The following LRPPRC variants were observed in gnomAD, a reference collection of about 807,000 sequenced individuals.
LRPPRC encodes the protein leucine rich pentatricopeptide repeat containing.
LRPPRC carries 120 observed loss-of-function variants against 180.3 expected under a neutral mutation model. The ratio of observed to expected loss-of-function variants is 0.67; its 90% CI spans 0.57 to 0.77. The LOEUF (loss-of-function observed/expected upper bound fraction) is 0.77. LRPPRC is among the 30% of genes least tolerant of loss of function. The probability of loss-of-function intolerance (pLI) is 0.00; values close to 1 mark genes in which losing one functional copy is unlikely to be tolerated. For missense variants in LRPPRC, 2,012 were observed against 1,657.2 expected (o/e 1.21, Z -3.72); for synonymous variants, 723 against 600.0 (o/e 1.21, Z -3.00).
chr2:43,902,469 C>T (rs1670922678), intron 31 of LRPPRC: 1 of 152,096 alleles, frequency 6.6e-6, no homozygotes, highest in African/African-American at 2.4e-5. Flanking sequence ...CAACTAAGAA[C>T]AGCTTAGTTT....
At chr2:43,952,327 C>A (rs573073937) in intron 14 of LRPPRC, among the ~76,000 whole-genome samples, 43 of 152,274 alleles carry the variant, frequency 2.8e-4, no homozygotes, top group South Asian at 8.3e-4. Flanking sequence ...AAAGCACTAC[C>A]TTGAATGTGA....
intron 7 of LRPPRC, 46 bp downstream of exon 7, chr2:43,975,045 T>A (rs1283811558): frequency 6.3e-7 from 1 of 1,596,888 alleles, no homozygotes. Context: ...TAACACAAAT[T>A]TTTACAAATG....
intron 36 of LRPPRC, chr2:43,890,202 C>CAGTT: frequency 2.5e-6 from 1 of 407,364 alleles, no homozygotes; most frequent in Admixed American, 3.6e-5. Context: ...CTGAAGTCCT[C>CAGTT]AGTTATAAAA....
Position 43,948,402 on chromosome 2 carries a change from G to C in LRPPRC, c.1842+10C>G, listed in dbSNP as rs373649496. 6.3e-7 allele frequency: 1 copy of C among 1,581,250 alleles called. No homozygotes were observed. Among genetic ancestry groups the C allele is most frequent in the Admixed American group, 1.7e-5 (1 of 59,974 alleles). ...GGACAGGCATTATATAGCAAAAAACGAAATGGTACCATCTTCTCCAGCTGA... is the reference window on the plus strand; with the variant it reads ...GGACAGGCATTATATAGCAAAAAACCAAATGGTACCATCTTCTCCAGCTGA... On this transcript the variant is annotated intron_variant, in intron 17 of 37. Coordinates refer to ENST00000260665, the MANE Select transcript of LRPPRC (RefSeq NM_133259.4).
intron 1 of LRPPRC, among the ~76,000 whole-genome samples, chr2:43,989,430 T>C (rs770282898): frequency 6.6e-6 from 1 of 152,170 alleles, no homozygotes; most frequent in African/African-American, 2.4e-5. Context: ...GTCTCACCTA[T>C]GGAGGAAGTA....
At chr2:43,911,821 C>A (rs532081342) in intron 30 of LRPPRC, among the ~76,000 whole-genome samples, 1 of 152,110 alleles carries the variant, frequency 6.6e-6, no homozygotes, top group Admixed American at 6.5e-5. Context: ...GCCACCGCGC[C>A]CAGTCAGATT....
intron 1 of LRPPRC, among the ~76,000 whole-genome samples, chr2:43,994,966 A>G (rs1204832904): frequency 6.6e-6 from 1 of 152,160 alleles, no homozygotes; most frequent in East Asian, 1.9e-4. Context: ...ACAGGACGGG[A>G]GCGGTGGCTC....
intron 1 of LRPPRC, among the ~76,000 whole-genome samples, chr2:43,984,678 G>A (rs1323189041): frequency 1.3e-5 from 2 of 152,124 alleles, no homozygotes; most frequent in East Asian, 3.9e-4. Flanking sequence ...GGAGTAATGG[G>A]TATGTCGTCA....
chr2:43,968,160 T>C (rs989696032), intron 11 of LRPPRC, among the ~76,000 whole-genome samples: 1 of 152,068 alleles, frequency 6.6e-6, no homozygotes, highest in African/African-American at 2.4e-5. Context: ...TGGTACTTAA[T>C]AGCAATGTAA....
At chr2:43,979,638 G>A (rs763498612) in intron 3 of LRPPRC, among the ~76,000 whole-genome samples, 188 bp downstream of exon 3, 1 of 151,944 alleles carries the variant, frequency 6.6e-6, no homozygotes, top group African/African-American at 2.4e-5. Context: ...TACTTGTTAT[G>A]AAAAATTATT....
chr2:43,949,390 G>A (rs1348416427), intron 16 of LRPPRC, among the ~76,000 whole-genome samples: 2 of 151,992 alleles, frequency 1.3e-5, no homozygotes, highest in African/African-American at 4.8e-5. Flanking sequence ...AAAAGAAAAA[G>A]CCTCCCAACC....
chr2:43,942,139 A>G (rs1299275943), intron 23 of LRPPRC, among the ~76,000 whole-genome samples: 1 of 152,114 alleles, frequency 6.6e-6, no homozygotes, highest in Non-Finnish European at 1.5e-5. Context: ...TCTTTCGGAA[A>G]GCTTTCAGGT....
chr2:43,940,497 T>C (rs948782746), intron 23 of LRPPRC, among the ~76,000 whole-genome samples: 3 of 152,168 alleles, frequency 2.0e-5, no homozygotes, highest in Non-Finnish European at 2.9e-5. Context: ...GGATAGTATA[T>C]ATGAAGTTCA....
intron 3 of LRPPRC, among the ~76,000 whole-genome samples, chr2:43,978,228 T>C (rs1314597263): frequency 6.6e-6 from 1 of 152,144 alleles, no homozygotes; most frequent in African/African-American, 2.4e-5. Context: ...CTAAAAGATC[T>C]CTTGTATCTT....
At chr2:43,961,465 C>CT (rs1673344711) in intron 12 of LRPPRC, among the ~76,000 whole-genome samples, 1 of 152,274 alleles carries the variant, frequency 6.6e-6, no homozygotes, top group African/African-American at 2.4e-5. Context: ...GAACAGTATA[C>CT]TTTCTTGCTA....
At position 43,894,570 on chromosome 2, in the gene LRPPRC, T is replaced by C. The variant is rs2104979444; in HGVS notation, c.3960A>G (p.Ala1320=). Residue 1320 remains alanine, a synonymous_variant, in exon 36 of 38, where the codon GCA becomes GCG. Transcript: ENST00000260665. ...LIPELNEKEE[A]YNSLMKSYVS... is the part of the protein sequence containing the mutation. ...CATAGCTTTTCATGAGGGAATTGTA[T>C]GCTTCTTCCTTTTCATTTAATTCAG... The C allele has an allele frequency of 6.4e-7, 1 of 1,555,762 alleles. No homozygotes were observed. The highest frequency in any genetic ancestry group is 8.9e-7 in the Non-Finnish European group (1 of 1,127,200).
chr2:43,934,130 T>A (rs1672186472), intron 25 of LRPPRC, 60 bp downstream of exon 25: 2 of 940,222 alleles, frequency 2.1e-6, no homozygotes, highest in Admixed American at 3.6e-5. Context: ...AATTTTTAAA[T>A]GTATTCTAAT....
At chr2:43,975,661 C>T (rs552119284) in intron 6 of LRPPRC, among the ~76,000 whole-genome samples, 5 of 151,888 alleles carry the variant, frequency 3.3e-5, no homozygotes, top group African/African-American at 1.2e-4. Context: ...CGGCTCACTG[C>T]AACCTCTGCC....
chr2:43,919,732 GA>G (rs1414919008), intron 27 of LRPPRC, among the ~76,000 whole-genome samples: 1 of 152,004 alleles, frequency 6.6e-6, no homozygotes, highest in Non-Finnish European at 1.5e-5. Flanking sequence ...GGCAAGATAT[GA>G]AAAATGTCAC....
Sources: allele counts gnomAD v4.1 joint callset (sites outside exome capture counted in the v4.1 genomes callset), GRCh38; gene constraint gnomAD v4.1.1; transcripts MANE v1.5; gene names NCBI Gene and HGNC (gene_info 2026-07-23, HGNC 2026-07-21).